The following BAZ2B variants were observed in gnomAD, a reference collection of about 807,000 sequenced individuals.
BAZ2B encodes bromodomain adjacent to zinc finger domain protein 2B.
BAZ2B carries 91 observed loss-of-function variants against 246.0 expected under a neutral mutation model. The observed-to-expected ratio is 0.37, with a 90% CI of 0.31 to 0.44. The LOEUF (loss-of-function observed/expected upper bound fraction) is 0.44. Ranked by LOEUF, BAZ2B falls within the 20% of genes least tolerant of loss-of-function variation. The pLI, the probability that BAZ2B is intolerant of heterozygous loss-of-function variation, is 1.00. For synonymous variants in BAZ2B, 855 were observed against 860.0 expected, an observed-to-expected ratio of 0.99 and a Z score of 0.10; for missense variants, 2,332 against 2,533.7, an observed-to-expected ratio of 0.92 and a Z score of 1.71.
At chr2:159,623,511 C>T in the BAZ2B span, among the ~76,000 whole-genome samples, 34 of 152,306 alleles carry the variant, frequency 2.2e-4, no homozygotes, top group African/African-American at 7.5e-4. Flanking sequence ...TGCGGAGATA[C>T]TGTTTCTCAT....
chr2:159,694,779 G>T, the BAZ2B span: 1 of 152,162 alleles, frequency 6.6e-6, no homozygotes, highest in South Asian at 2.1e-4. Context: ...ACTATGACAT[G>T]AACATTTGTG....
chr2:159,406,504 G>C (rs1277720635), intron 14 of BAZ2B, among the ~76,000 whole-genome samples: 1 of 152,146 alleles, frequency 6.6e-6, no homozygotes, highest in East Asian at 1.9e-4. Flanking sequence ...TAATATCCTT[G>C]CTTTCTTCTG....
chr2:159,357,902 G>A (rs933837817), intron 27 of BAZ2B, among the ~76,000 whole-genome samples: 3 of 152,310 alleles, frequency 2.0e-5, no homozygotes, highest in Admixed American at 6.5e-5. Flanking sequence ...ATCCCTTACA[G>A]ACAGGCAAAT....
At chr2:159,511,949 T>C (rs1371677034) in intron 2 of BAZ2B, among the ~76,000 whole-genome samples, 2 of 152,136 alleles carry the variant, frequency 1.3e-5, no homozygotes, top group Non-Finnish European at 2.9e-5. Context: ...GAGAAAGGTA[T>C]AGGAAGAATG....
chr2:159,322,662 C>T (rs1192877079), intron 36 of BAZ2B, among the ~76,000 whole-genome samples: 1 of 152,106 alleles, frequency 6.6e-6, no homozygotes, highest in Non-Finnish European at 1.5e-5. Context: ...AAAAAGTATA[C>T]AACTCATATG....
intron 2 of BAZ2B, among the ~76,000 whole-genome samples, chr2:159,492,797 C>T (rs2080647242): frequency 1.3e-5 from 2 of 152,154 alleles, no homozygotes; most frequent in South Asian, 2.1e-4. Context: ...GTATTTCATA[C>T]TTCAATGACA....
intron 2 of BAZ2B, among the ~76,000 whole-genome samples, chr2:159,536,872 A>G (rs1431777835): frequency 6.6e-6 from 1 of 152,258 alleles, no homozygotes; most frequent in Non-Finnish European, 1.5e-5. Context: ...AGAACTTCAA[A>G]CATCAGCAAA....
At chr2:159,622,963 C>A in the BAZ2B span, among the ~76,000 whole-genome samples, 9 of 138,362 alleles carry the variant, frequency 6.5e-5, no homozygotes, top group African/African-American at 2.5e-4. Flanking sequence ...CAGAGTGAGA[C>A]CCTGTCTCAA....
intron 27 of BAZ2B, among the ~76,000 whole-genome samples, chr2:159,371,513 A>G (rs1253219354): frequency 1.3e-5 from 2 of 152,174 alleles, no homozygotes; most frequent in Non-Finnish European, 2.9e-5. Context: ...ATTATACTCA[A>G]TAATTTCTTA....
intron 2 of BAZ2B, chr2:159,516,210 T>A (rs1010322923): frequency 6.6e-6 from 1 of 152,000 alleles, no homozygotes; most frequent in African/African-American, 2.4e-5. Flanking sequence ...TGTTAAAAAG[T>A]AAAGAAAACA....
At chr2:159,340,227 A>G (rs921804557) in intron 31 of BAZ2B, among the ~76,000 whole-genome samples, 10 of 152,064 alleles carry the variant, frequency 6.6e-5, no homozygotes, top group African/African-American at 2.4e-4. Context: ...GGTGGGGGGA[A>G]AGAAAGAAAG....
intron 3 of BAZ2B, among the ~76,000 whole-genome samples, chr2:159,469,812 A>C (rs867531909): frequency 1.4e-4 from 22 of 152,202 alleles, no homozygotes; most frequent in African/African-American, 4.6e-4. Flanking sequence ...AAACAAACAA[A>C]CAACCAAAAC....
intron 34 of BAZ2B, among the ~76,000 whole-genome samples, chr2:159,327,911 A>C (rs955241893): frequency 5.3e-5 from 8 of 152,064 alleles, no homozygotes; most frequent in Non-Finnish European, 1.0e-4. Context: ...CCAAAAATAC[A>C]AAAATTGGCT....
chr2:159,611,779 C>T (rs575817319), intron 1 of BAZ2B, among the ~76,000 whole-genome samples: 1 of 152,030 alleles, frequency 6.6e-6, no homozygotes, highest in South Asian at 2.1e-4. Context: ...ATTCTCTTAA[C>T]ATAGTAATAA....
chr2:159,624,419 T>G, the BAZ2B span, among the ~76,000 whole-genome samples: 2 of 152,194 alleles, frequency 1.3e-5, no homozygotes, highest in African/African-American at 4.8e-5. Flanking sequence ...CAGTAGGGGC[T>G]GACAGATACC....
chr2:159,400,900 A>C (rs536836375), intron 16 of BAZ2B, among the ~76,000 whole-genome samples: 23 of 152,166 alleles, frequency 1.5e-4, no homozygotes, highest in African/African-American at 3.6e-4. Context: ...AAAAATTAGC[A>C]GGGCTTGGTG....
chr2:159,453,492 G>T, intron 4 of BAZ2B, 121 bp downstream of exon 4: 1 of 1,160,410 alleles, frequency 8.6e-7, no homozygotes, highest in Non-Finnish European at 1.2e-6. Context: ...GCCAATTCTT[G>T]CACCAAAGTT....
chr2:159,597,159 AT>A (rs112547109), intron 1 of BAZ2B, among the ~76,000 whole-genome samples: 6,375 of 152,144 alleles, frequency 0.042, 425 homozygotes, highest in African/African-American at 0.14. Context: ...GATGTTGAGC[AT>A]TTTTTCATGT....
At chr2:159,491,648 G>A (rs1217322573) in intron 2 of BAZ2B, among the ~76,000 whole-genome samples, 3 of 140,672 alleles carry the variant, frequency 2.1e-5, no homozygotes, top group African/African-American at 5.4e-5. Context: ...GTGAACCCGG[G>A]AGGCGGAGCT....
Sources: allele counts gnomAD v4.1 joint callset (sites outside exome capture counted in the v4.1 genomes callset), GRCh38; gene constraint gnomAD v4.1.1; transcripts MANE v1.5; gene names NCBI Gene and HGNC (gene_info 2026-07-23, HGNC 2026-07-21).